The following MAP2K5 variants were observed in gnomAD, a reference collection of about 807,000 sequenced individuals.
MAP2K5 encodes the protein dual specificity mitogen-activated protein kinase kinase 5.
In MAP2K5, 49 loss-of-function variants were observed where a neutral mutation model predicts 83.1. The ratio of observed to expected loss-of-function variants is 0.59; its 90% confidence interval spans 0.47 to 0.75. MAP2K5 has a LOEUF of 0.75. Ranked by LOEUF, MAP2K5 falls within the 30% of genes least tolerant of loss-of-function variation. MAP2K5 has a pLI of 0.00. For missense variants in MAP2K5, 457 were observed against 557.5 expected (o/e 0.82, Z 1.82); for synonymous variants, 202 against 191.8 (o/e 1.05, Z -0.44).
intron 4 of MAP2K5, among the ~76,000 whole-genome samples, chr15:67,581,450 T>A (rs2085178467): frequency 6.6e-6 from 1 of 152,190 alleles, no homozygotes; most frequent in African/African-American, 2.4e-5. Context: ...CGTGTATAAA[T>A]GTTCCCTCAA....
In MAP2K5 at chr15:67,572,710, T is replaced by A. The variant is rs543933385; in HGVS notation, c.253-8044T>A. On this transcript the variant is annotated intron_variant, in intron 3 of 21. Transcript: ENST00000178640. This position sits in a 1 kb window ranked among gnomAD's most constrained non-coding sequence, Gnocchi z 4.2. ...AGAATTGATATTATTATTATTATTTTTTTTTTTGAGATGGAGTCTTGCTCT... is the reference window on the plus strand; with the variant it reads ...AGAATTGATATTATTATTATTATTTATTTTTTTGAGATGGAGTCTTGCTCT... Among the ~76,000 whole-genome samples the A allele has an allele frequency of 9.2e-5, 14 of 152,124 alleles. No homozygotes were observed. In the South Asian group the frequency reaches 2.1e-3, roughly 23 times the overall value.
intron 19 of MAP2K5, among the ~76,000 whole-genome samples, chr15:67,753,283 T>C (rs2089763321): frequency 6.6e-6 from 1 of 152,196 alleles, no homozygotes. Context: ...GACCTTAGGT[T>C]AGCAATGGTT....
intron 1 of MAP2K5, chr15:67,546,667 A>G (rs2084394504): frequency 1.0e-6 from 1 of 955,554 alleles, no homozygotes. Flanking sequence ...TTTTGGGAAA[A>G]CTATACAAGA....
At chr15:67,558,678 C>A (rs1203472336) in intron 2 of MAP2K5, among the ~76,000 whole-genome samples, 1 of 152,196 alleles carries the variant, frequency 6.6e-6, no homozygotes, top group Non-Finnish European at 1.5e-5. Context: ...TCATTCTGTT[C>A]TAGCCACTCT....
chr15:67,717,946 G>C lies in MAP2K5; in HGVS notation c.1045-9970G>C, dbSNP rs1192609277. ...GTAGGTTCTTGATGATGAAACAACAGGGTCACATTCCAAAAGAGCATCTTG... is the reference window on the plus strand; with the variant it reads ...GTAGGTTCTTGATGATGAAACAACACGGTCACATTCCAAAAGAGCATCTTG... On this transcript the variant is annotated intron_variant, in intron 16 of 21. Transcript: ENST00000178640. This position sits in a 1 kb window ranked among gnomAD's most constrained non-coding sequence, Gnocchi z 4.1. 1 of 152,224 alleles carries C rather than the reference G, an allele frequency of 6.6e-6. No individual in the cohort carries two copies. The highest frequency in any genetic ancestry group is 1.5e-5 in the Non-Finnish European group (1 of 68,072). 9.4% of individuals were successfully genotyped at this position (152,224 alleles called of 1,614,324 possible).
At position 67,553,593 on chromosome 15, in the gene MAP2K5, C is replaced by T. The variant is rs116042465; in HGVS notation, c.184+3511C>T. ...GACTTTTTTTTCTGAACCAGAAATC[C>T]GAACCAATAAATGGAATCTATGTTT... is the stretch of plus-strand genomic sequence containing the variant. On this transcript the variant is annotated intron_variant, in intron 2 of 21. Transcript: ENST00000178640. Among the ~76,000 whole-genome samples, 1,153 of 152,144 alleles carry T rather than the reference C, an allele frequency of 7.6e-3. 11 individuals carry two copies. Among genetic ancestry groups the T allele is most frequent in the African/African-American group, 0.025 (1,017 of 41,504 alleles).
intron 7 of MAP2K5, among the ~76,000 whole-genome samples, chr15:67,595,999 A>AT (rs2085518957): frequency 6.8e-6 from 1 of 146,684 alleles, no homozygotes; most frequent in Non-Finnish European, 1.5e-5. Context: ...TGTTTTTTAG[A>AT]TTTTATAGGA....
At position 67,760,834 on chromosome 15, in the gene MAP2K5, A is replaced by G. The variant is rs2141289046; in HGVS notation, c.1135-8768A>G. ...CCAGCCATAGGACAATGCTCATTTA[A>G]TCCACCATGATGGGACCTACACACC... is the stretch of plus-strand genomic sequence containing the variant. On this transcript the variant is annotated intron_variant, in intron 19 of 21. Transcript: ENST00000178640. This position sits in a 1 kb window ranked among gnomAD's most constrained non-coding sequence, Gnocchi z 4.1. Among the ~76,000 whole-genome samples, 1 of 152,146 alleles carries G rather than the reference A, an allele frequency of 6.6e-6. No individual in the cohort carries two copies. The highest frequency in any genetic ancestry group is 1.9e-4 in the East Asian group (1 of 5,178).
chr15:67,628,732 T>C (rs2086386301), intron 8 of MAP2K5: 4 of 778,916 alleles, frequency 5.1e-6, no homozygotes, highest in Admixed American at 1.7e-5. Context: ...AGATGGCTAA[T>C]GCTTCAGCCA....
At chr15:67,688,272 T>C (rs550187826) in intron 13 of MAP2K5, among the ~76,000 whole-genome samples, 169 of 152,310 alleles carry the variant, frequency 1.1e-3, no homozygotes, top group African/African-American at 4.0e-3. Context: ...GGGAGGACTT[T>C]CCATTTTTGC....
chr15:67,703,555 T>A lies in MAP2K5; in HGVS notation c.1044+147T>A, dbSNP rs563539744. The A allele has an allele frequency of 3.7e-5, 23 of 628,364 alleles. No individual in the cohort carries two copies. The African/African-American group carries it at 3.9e-4, about 11-fold the overall frequency. The allele number at this position is 628,364 out of a possible 1,614,324, so 38.9% of individuals were successfully genotyped here. A position where few individuals can be genotyped will look rare whatever the true frequency, so the allele number is the denominator to read the frequency against. ...AGAGTTTGACCATAAAGTCTTTGAT[T>A]CCTTGTGTGGCTTGTGAACTGACTC... On this transcript the variant is annotated intron_variant, in intron 16 of 21. Transcript: ENST00000178640.
chr15:67,570,927 C>G (rs1000056320), intron 3 of MAP2K5, among the ~76,000 whole-genome samples: 1 of 152,130 alleles, frequency 6.6e-6, no homozygotes, highest in Non-Finnish European at 1.5e-5. Flanking sequence ...ATTATGTTGT[C>G]TGTTAGGCAT....
chr15:67,675,340 C>T (rs1847520972), intron 13 of MAP2K5, among the ~76,000 whole-genome samples: 1 of 152,176 alleles, frequency 6.6e-6, no homozygotes, highest in Non-Finnish European at 1.5e-5. Flanking sequence ...AAAAGCCAGT[C>T]ACAAAGGTTA....
At chr15:67,689,931 C>T (rs1477907473) in intron 13 of MAP2K5, among the ~76,000 whole-genome samples, 2 of 152,198 alleles carry the variant, frequency 1.3e-5, no homozygotes, top group Admixed American at 6.5e-5. Flanking sequence ...CCATGCTCCA[C>T]GGGCCACATG....
chr15:67,804,933 T>C lies in MAP2K5; in HGVS notation c.1243-1713T>C, dbSNP rs2090772924. Among the ~76,000 whole-genome samples the C allele has an allele frequency of 2.6e-5, 4 of 152,296 alleles. No homozygotes were observed. The South Asian group carries it at 8.3e-4, about 32-fold the overall frequency. ...TTGGAAGCCAAAATCCAGTCCTTCCTGGGCCTCTCCTGCTCAGGCCCCAGA... is the reference window on the plus strand; with the variant it reads ...TTGGAAGCCAAAATCCAGTCCTTCCCGGGCCTCTCCTGCTCAGGCCCCAGA... On this transcript the variant is annotated intron_variant, in intron 21 of 21. Coordinates refer to ENST00000178640, the MANE Select transcript of MAP2K5 (RefSeq NM_145160.3).
chr15:67,553,037 G>C (rs539484729), intron 2 of MAP2K5, among the ~76,000 whole-genome samples: 1 of 152,102 alleles, frequency 6.6e-6, no homozygotes, highest in African/African-American at 2.4e-5. Flanking sequence ...TTCCAGTTAG[G>C]GTTCATAATA....
rs776477671 is a variant in MAP2K5, at chr15:67,664,659, T to A, written c.847+14T>A. 1.3e-6 allele frequency: 2 copies of A among 1,590,140 alleles called. No individual in the cohort carries two copies. The highest frequency in any genetic ancestry group is 2.2e-5 in the South Asian group (2 of 89,426). ...TTTTACATAGAGGTATGTGCTGGGC[T>A]TATAAGCTTGGATTTAATTTGGGGT... On this transcript the variant is annotated intron_variant, in intron 13 of 21. Transcript: ENST00000178640.
In MAP2K5 at chr15:67,600,993, AGT is replaced by A. The variant is rs1454746583; in HGVS notation, c.545+247_545+248del. Among the ~76,000 whole-genome samples, 4 of 152,200 alleles carry A rather than the reference AGT, an allele frequency of 2.6e-5. No individual in the cohort carries two copies. The East Asian group carries it at 7.7e-4, about 29-fold the overall frequency. On this transcript the variant is annotated intron_variant, in intron 8 of 21. Coordinates refer to ENST00000178640, the MANE Select transcript of MAP2K5 (RefSeq NM_145160.3). ...TGTAGTTAATAGTCCACCATTAGTA[AGT>A]GTACCTTTAACTGGCCTGAAGTTTA...
At chr15:67,547,999 C>T (rs2084431000) in intron 1 of MAP2K5, among the ~76,000 whole-genome samples, 1 of 152,184 alleles carries the variant, frequency 6.6e-6, no homozygotes, top group African/African-American at 2.4e-5. Context: ...TCACATGATT[C>T]TCTCACTCAA....
Sources: allele counts gnomAD v4.1 joint callset (sites outside exome capture counted in the v4.1 genomes callset), GRCh38; gene constraint gnomAD v4.1.1; non-coding constraint Gnocchi (gnomAD v3.1); transcripts MANE v1.5; gene names NCBI Gene and HGNC (gene_info 2026-07-23, HGNC 2026-07-21).